MAP3K20: variants seen among roughly 807,000 people sequenced by gnomAD.
MAP3K20 encodes HCCS-4.
MAP3K20 carries 40 observed loss-of-function variants against 85.7 expected under a neutral mutation model. That is an observed-to-expected ratio of 0.47 (90% CI 0.36 to 0.61). The LOEUF (loss-of-function observed/expected upper bound fraction) is 0.61. Ranked by LOEUF, MAP3K20 falls within the 20% of genes least tolerant of loss-of-function variation. The pLI, the probability that MAP3K20 is intolerant of heterozygous loss-of-function variation, is 0.00. For missense variants in MAP3K20, 817 were observed against 961.7 expected (o/e 0.85, Z 1.99); for synonymous variants, 325 against 327.7 (o/e 0.99, Z 0.09).
At chr2:173,142,009 T>TTA (rs1688989437) in intron 2 of MAP3K20, among the ~76,000 whole-genome samples, 1 of 152,208 alleles carries the variant, frequency 6.6e-6, no homozygotes, top group African/African-American at 2.4e-5. Flanking sequence ...ATAGACATTT[T>TTA]TAGATAAATG....
intron 3 of MAP3K20, among the ~76,000 whole-genome samples, chr2:173,175,019 C>T (rs543224243): frequency 3.3e-5 from 5 of 152,238 alleles, no homozygotes; most frequent in Non-Finnish European, 4.4e-5. Flanking sequence ...AGTGACATCC[C>T]GCAGTTGGAA....
rs140516479 is a variant in MAP3K20, at chr2:173,100,614, G to A, written c.159+9424G>A. Among the ~76,000 whole-genome samples, 3 of 152,152 alleles carry A rather than the reference G, an allele frequency of 2.0e-5. No homozygotes were observed. The East Asian group carries it at 5.8e-4, about 29-fold the overall frequency. On this transcript the variant is annotated intron_variant, in intron 2 of 19. Coordinates refer to ENST00000375213, the MANE Select transcript of MAP3K20 (RefSeq NM_016653.3). ...TCGTGTCTTTACCATGTCACTGTAA[G>A]TACAGTAACACACTTGCATTCACCT...
chr2:173,193,071 C>G (rs1223554517), intron 7 of MAP3K20: 2 of 152,178 alleles, frequency 1.3e-5, no homozygotes, highest in African/African-American at 4.8e-5. Flanking sequence ...AACAAGAGGG[C>G]TTGGGAAGAT....
intron 2 of MAP3K20, among the ~76,000 whole-genome samples, chr2:173,158,245 T>C (rs968739556): frequency 1.4e-4 from 22 of 152,208 alleles, no homozygotes; most frequent in Admixed American, 4.6e-4. Flanking sequence ...GCTAGTATTA[T>C]AGAGTCTGCA....
intron 18 of MAP3K20, among the ~76,000 whole-genome samples, chr2:173,263,069 T>C (rs541418099): frequency 2.6e-5 from 4 of 152,194 alleles, no homozygotes; most frequent in Non-Finnish European, 5.9e-5. Context: ...TCCCTAACCA[T>C]ATTGAATCCT....
chr2:173,237,019 CTTTTTTT>C (rs368196400), intron 14 of MAP3K20, among the ~76,000 whole-genome samples: 1 of 75,538 alleles, frequency 1.3e-5, no homozygotes. Context: ...GTATATCCAC[CTTTTTTT>C]TTTTTTTTTT....
chr2:173,121,292 C>T (rs564275753), intron 2 of MAP3K20, among the ~76,000 whole-genome samples: 180 of 152,196 alleles, frequency 1.2e-3, no homozygotes, highest in African/African-American at 4.1e-3. Flanking sequence ...TTTCCTTTGT[C>T]GGAAGCAAAG....
chr2:173,248,078 T>A (rs1684961621), intron 16 of MAP3K20, among the ~76,000 whole-genome samples: 1 of 152,178 alleles, frequency 6.6e-6, no homozygotes, highest in Admixed American at 6.5e-5. Flanking sequence ...ATGCATCGCA[T>A]GATCAAAAAA....
intron 11 of MAP3K20, chr2:173,226,249 C>G (rs1684384874): frequency 1.0e-6 from 1 of 985,242 alleles, no homozygotes; most frequent in South Asian, 4.7e-5. Flanking sequence ...GTGCGTACAA[C>G]TTTATTTTTC....
At chr2:173,119,147 A>G (rs2106184821) in intron 2 of MAP3K20, among the ~76,000 whole-genome samples, 1 of 152,338 alleles carries the variant, frequency 6.6e-6, no homozygotes, top group East Asian at 1.9e-4. Context: ...TTAAGGGAGG[A>G]ACAGACTTGG....
At chr2:173,252,049 T>C (rs757602941) in intron 16 of MAP3K20, among the ~76,000 whole-genome samples, 6 of 152,252 alleles carry the variant, frequency 3.9e-5, no homozygotes, top group Admixed American at 2.0e-4. Context: ...CTCTAGTTTT[T>C]TGTGCTACCT....
At chr2:173,173,959 TA>T (rs1410076869) in intron 3 of MAP3K20, among the ~76,000 whole-genome samples, 1 of 152,172 alleles carries the variant, frequency 6.6e-6, no homozygotes, top group Non-Finnish European at 1.5e-5. Flanking sequence ...TACTTTATAC[TA>T]AAATCCAGTA....
intron 2 of MAP3K20, among the ~76,000 whole-genome samples, chr2:173,131,239 G>A (rs1008972905): frequency 6.6e-6 from 1 of 152,200 alleles, no homozygotes; most frequent in African/African-American, 2.4e-5. Context: ...TGTCATATAT[G>A]CCTTATAGAA....
At chr2:173,202,394 C>G (rs557523895) in intron 8 of MAP3K20, among the ~76,000 whole-genome samples, 1 of 152,124 alleles carries the variant, frequency 6.6e-6, no homozygotes, top group Admixed American at 6.5e-5. Flanking sequence ...ATAGCCTCCC[C>G]CAAATCCAGC....
At chr2:173,239,002 C>T (rs778073365) in intron 15 of MAP3K20, among the ~76,000 whole-genome samples, 5 of 152,148 alleles carry the variant, frequency 3.3e-5, no homozygotes, top group Non-Finnish European at 7.3e-5. Context: ...CATCCTCCAT[C>T]CACATTTGCA....
chr2:173,248,999 T>G (rs1407021213), intron 16 of MAP3K20, among the ~76,000 whole-genome samples: 2 of 152,214 alleles, frequency 1.3e-5, no homozygotes, highest in Non-Finnish European at 2.9e-5. Context: ...TCAGTTGGCT[T>G]AGGTCTCTGG....
intron 1 of MAP3K20, among the ~76,000 whole-genome samples, chr2:173,080,521 CAA>C (rs1686984870): frequency 6.6e-6 from 1 of 152,092 alleles, no homozygotes; most frequent in Admixed American, 6.5e-5. Context: ...CCATGAAAGA[CAA>C]AGAGAAAAAG....
chr2:173,236,266 T>TAAAAAA (rs67764486), intron 14 of MAP3K20, among the ~76,000 whole-genome samples: 2 of 64,726 alleles, frequency 3.1e-5, no homozygotes, highest in Non-Finnish European at 5.4e-5. Context: ...AGACCCTGTC[T>TAAAAAA]AAAAAAAAAA....
intron 12 of MAP3K20, among the ~76,000 whole-genome samples, chr2:173,231,069 G>T (rs1399340964): frequency 6.6e-6 from 1 of 152,124 alleles, no homozygotes; most frequent in East Asian, 1.9e-4. Flanking sequence ...CAAGCTCAGG[G>T]TATCACTAAA....
Sources: allele counts gnomAD v4.1 joint callset (sites outside exome capture counted in the v4.1 genomes callset), GRCh38; gene constraint gnomAD v4.1.1; transcripts MANE v1.5; gene names NCBI Gene and HGNC (gene_info 2026-07-23, HGNC 2026-07-21).